MYL6: variants seen among roughly 807,000 people sequenced by gnomAD.
MYL6 encodes myosin light chain 6.
In MYL6, 20 loss-of-function variants were observed where a neutral mutation model predicts 20.3. The ratio of observed to expected loss-of-function variants is 0.98; its 90% CI spans 0.69 to 1.43. MYL6 has a LOEUF of 1.43. MYL6 is among the 40% of genes most tolerant of loss of function. The pLI is 0.00. For missense variants in MYL6, 164 were observed against 191.0 expected (o/e 0.86, Z 0.83); for synonymous variants, 77 against 72.4 (o/e 1.06, Z -0.32).
rs1348001957 is a variant in MYL6 at position 56,158,412 on chromosome 12, C to T, written c.3+8C>T. ...AGCTGAGCAGTCAAGATGGTGGGGC[C>T]CAGGTCTTGGGAGACGGGCAGGATT... On this transcript the variant is annotated splice_region_variant and intron_variant, in intron 1 of 6. Transcript: ENST00000550697. 11 of 1,529,474 alleles carry T rather than the reference C, an allele frequency of 7.2e-6. No homozygotes were observed. The South Asian group carries it at 1.3e-4, about 18-fold the overall frequency. 94.7% of individuals were successfully genotyped at this position (1,529,474 alleles called of 1,614,324 possible).
rs773459739 is a variant in MYL6 at position 56,158,539 on chromosome 12, A to G, written c.3+135A>G. 8 of 1,611,314 alleles carry G rather than the reference A, an allele frequency of 5.0e-6. No homozygotes were observed. The African/African-American group carries it at 1.1e-4, about 22-fold the overall frequency. On this transcript the variant is annotated intron_variant, in intron 1 of 6. Transcript: ENST00000550697. ...CGAAAGGTTGGAGGTGGGGTTGGAAAGACTGGGGCCCTGCGGGGAAGCGAG... is the reference window on the plus strand; with the variant it reads ...CGAAAGGTTGGAGGTGGGGTTGGAAGGACTGGGGCCCTGCGGGGAAGCGAG...
At chr12:56,160,454 C>G (rs1871689631) in intron 5 of MYL6, 134 bp downstream of exon 5, 3 of 1,451,374 alleles carry the variant, frequency 2.1e-6, no homozygotes, top group Non-Finnish European at 2.9e-6. Flanking sequence ...CCCTGCCCAG[C>G]CCAGCCCAGG....
intron 2 of MYL6, 127 bp downstream of exon 2, chr12:56,158,838 TTC>T: frequency 1.3e-6 from 2 of 1,521,466 alleles, no homozygotes; most frequent in Non-Finnish European, 8.8e-7. Context: ...CTGGATTATT[TTC>T]TCTTCTTCTG....
At chr12:56,161,361 G>C in intron 6 of MYL6, 26 bp from the exon 7 acceptor site, 1 of 1,614,014 alleles carries the variant, frequency 6.2e-7, no homozygotes, top group Non-Finnish European at 8.5e-7. Flanking sequence ...CTGTTCCCTG[G>C]CTCATCCCAC....
Position 56,160,070 on chromosome 12 carries a change from G to A in MYL6, c.271G>A (p.Glu91Lys), listed in dbSNP as rs1486822196. Residue 91 changes from glutamate (E) to lysine (K), a missense_variant, in exon 4 of 7, where the codon GAA (glutamate) becomes AAA (lysine). Transcript: ENST00000550697. ...CCAGGGCACCTATGAGGATTATGTC[G>A]AAGGACTTCGGGTGTTTGACAAGGA... ...KDQGTYEDYV[E>K]GLRVFDKEGN... 3 of 1,614,204 alleles carry A rather than the reference G, an allele frequency of 1.9e-6. No homozygotes were observed. The highest frequency in any genetic ancestry group is 2.5e-6 in the Non-Finnish European group (3 of 1,180,034).
intron 1 of MYL6, 112 bp downstream of exon 1, chr12:56,158,516 A>G: frequency 1.2e-6 from 2 of 1,603,252 alleles, no homozygotes; most frequent in Non-Finnish European, 8.5e-7. Context: ...TGAGGACCCG[A>G]AAGGTTGGAG....
chr12:56,159,240 C>T, intron 2 of MYL6: 1 of 302,166 alleles, frequency 3.3e-6, no homozygotes, highest in South Asian at 4.6e-5. Flanking sequence ...GACCCTAGTC[C>T]CAGGCTGCTG....
At position 56,160,061 on chromosome 12, in the gene MYL6, G is replaced by A; in HGVS notation, c.262G>A (p.Asp88Asn). ...AKNKDQGTYE[D>N]YVEGLRVFDK... ...GAACAAGGACCAGGGCACCTATGAG[G>A]ATTATGTCGAAGGACTTCGGGTGTT... The change falls in exon 4 of 7, where the codon GAT (aspartate) becomes AAT (asparagine). Residue 88 changes from aspartate to asparagine, a missense_variant. Coordinates refer to ENST00000550697, the MANE Select transcript of MYL6 (RefSeq NM_021019.5). 1.2e-6 allele frequency: 2 copies of A among 1,614,212 alleles called. No individual in the cohort carries two copies. The highest frequency in any genetic ancestry group is 1.1e-5 in the South Asian group (1 of 91,084).
At chr12:56,160,827 A>C in intron 6 of MYL6, 157 bp downstream of exon 6, 1 of 804,256 alleles carries the variant, frequency 1.2e-6, no homozygotes, top group Non-Finnish European at 2.0e-6. Context: ...GGATTCCTCA[A>C]AGAGGAAGAC....
rs1871640907 is a variant in MYL6 at position 56,160,134 on chromosome 12, T to A, written c.335T>A (p.Val112Asp). 3 of 1,613,988 alleles carry A rather than the reference T, an allele frequency of 1.9e-6. No individual in the cohort carries two copies. In the African/African-American group the frequency reaches 4.0e-5, roughly 22 times the overall value. ...GTCATGGGTGCTGAAATCCGGCATGTTCTTGTCACACTGGGTAAGGTTCTG... is the reference window on the plus strand; with the variant it reads ...GTCATGGGTGCTGAAATCCGGCATGATCTTGTCACACTGGGTAAGGTTCTG... ...GTVMGAEIRH[V>D]LVTLGEKMTE... The change falls in exon 4 of 7, where the codon GTT becomes GAT. Residue 112 changes from valine (V) to aspartate (D), a missense_variant. Coordinates refer to ENST00000550697, the MANE Select transcript of MYL6 (RefSeq NM_021019.5).
rs548926175 is a variant in MYL6, at chr12:56,158,359, G to A, written c.-43G>A. 1 of 1,515,288 alleles carries A rather than the reference G, an allele frequency of 6.6e-7. No individual in the cohort carries two copies. The highest frequency in any genetic ancestry group is 8.8e-7 in the Non-Finnish European group (1 of 1,134,344). 93.9% of individuals were successfully genotyped at this position (1,515,288 alleles called of 1,614,324 possible). On this transcript the variant is annotated 5_prime_UTR_variant, in exon 1 of 7. Coordinates refer to ENST00000550697, the MANE Select transcript of MYL6 (RefSeq NM_021019.5). ...GACTAGGGTTGGGCCGAGAGTCGGAGCCATTACTGCAGGAAAAGGTCCCGG... is the reference window on the plus strand; with the variant it reads ...GACTAGGGTTGGGCCGAGAGTCGGAACCATTACTGCAGGAAAAGGTCCCGG...
chr12:56,160,837 C>A, intron 6 of MYL6, 167 bp downstream of exon 6: 2 of 734,372 alleles, frequency 2.7e-6, no homozygotes, highest in Non-Finnish European at 4.5e-6. Context: ...AAGAGGAAGA[C>A]AACCTGGGGG....
intron 3 of MYL6, 96 bp downstream of exon 3, chr12:56,159,826 C>CA: frequency 1.3e-6 from 2 of 1,536,534 alleles, no homozygotes; most frequent in Admixed American, 2.2e-5. Flanking sequence ...CAAACTCAAG[C>CA]AAGTCTGGAT....
In MYL6 at chr12:56,160,084, G is replaced by A. The variant is rs1871637430; in HGVS notation, c.285G>A (p.Val95=). Residue 95 remains valine (V), a synonymous_variant, in exon 4 of 7, where the codon GTG becomes GTA. Transcript: ENST00000550697. ...AGGATTATGTCGAAGGACTTCGGGTGTTTGACAAGGAAGGAAATGGCACCG... is the reference window on the plus strand; with the variant it reads ...AGGATTATGTCGAAGGACTTCGGGTATTTGACAAGGAAGGAAATGGCACCG... ...TYEDYVEGLR[V]FDKEGNGTVM... 9 of 1,614,072 alleles carry A rather than the reference G, an allele frequency of 5.6e-6. No individual in the cohort carries two copies. The East Asian group carries it at 2.0e-4, about 36-fold the overall frequency.
Position 56,161,480 on chromosome 12 carries a change from T to C in MYL6, c.*110T>C. On this transcript the variant is annotated 3_prime_UTR_variant, in exon 7 of 7. Transcript: ENST00000550697. ...TGTGAATTTTGTATCTAGCCTAAAG[T>C]TTCCCTAGGCTTTCTTGTCTCAGCA... 1 of 1,571,038 alleles carries C rather than the reference T, an allele frequency of 6.4e-7. No individual in the cohort carries two copies. Among genetic ancestry groups the C allele is most frequent in the South Asian group, 1.1e-5 (1 of 90,194 alleles).
intron 6 of MYL6, 80 bp from the exon 7 acceptor site, chr12:56,161,307 G>C: frequency 6.5e-7 from 1 of 1,547,868 alleles, no homozygotes; most frequent in Non-Finnish European, 8.9e-7. Context: ...TGCTACCTTT[G>C]CAGTCTGGTA....
At chr12:56,160,842 T>C in intron 6 of MYL6, 172 bp downstream of exon 6, 4 of 705,968 alleles carry the variant, frequency 5.7e-6, no homozygotes, top group Non-Finnish European at 9.5e-6. Context: ...GAAGACAACC[T>C]GGGGGTACAG....
In MYL6 at chr12:56,160,091, A is replaced by G; in HGVS notation, c.292A>G (p.Lys98Glu). 6.2e-7 allele frequency: 1 copy of G among 1,614,216 alleles called. No individual in the cohort carries two copies. The change falls in exon 4 of 7, where the codon AAG becomes GAG. Residue 98 changes from lysine (K) to glutamate (E), a missense_variant. Coordinates refer to ENST00000550697, the MANE Select transcript of MYL6 (RefSeq NM_021019.5). ...TGTCGAAGGACTTCGGGTGTTTGAC[A>G]AGGAAGGAAATGGCACCGTCATGGG... ...DYVEGLRVFD[K>E]EGNGTVMGAE...
In MYL6 at chr12:56,158,420, T is replaced by C. The variant is rs763951815; in HGVS notation, c.3+16T>C. The C allele has an allele frequency of 7.8e-6, 12 of 1,535,272 alleles. No homozygotes were observed. Among genetic ancestry groups the C allele is most frequent in the East Asian group, 2.3e-5 (1 of 44,314 alleles). On this transcript the variant is annotated intron_variant, in intron 1 of 6. Transcript: ENST00000550697. Reference sequence around the variant, plus strand: ...AGTCAAGATGGTGGGGCCCAGGTCTTGGGAGACGGGCAGGATTGGGGACGA... The same window carrying C: ...AGTCAAGATGGTGGGGCCCAGGTCTCGGGAGACGGGCAGGATTGGGGACGA...
Sources: gnomAD v4.1 joint callset for allele counts on GRCh38, gnomAD v4.1.1 for gene constraint, MANE v1.5 for transcripts, NCBI Gene and HGNC (gene_info 2026-07-23, HGNC 2026-07-21) for gene names.